The following TESMIN variants were observed in gnomAD, a reference collection of about 807,000 sequenced individuals.
TESMIN encodes CXC domain containing 2.
TESMIN carries 34 observed loss-of-function variants against 47.4 expected under a neutral mutation model. The ratio of observed to expected loss-of-function variants is 0.72; its 90% CI spans 0.55 to 0.96. TESMIN has a LOEUF of 0.96. TESMIN is among the 40% of genes least tolerant of loss of function. The pLI is 0.00. For missense variants in TESMIN, 610 were observed against 637.2 expected, an observed-to-expected ratio of 0.96 and a Z score of 0.46; for synonymous variants, 278 against 258.9, an observed-to-expected ratio of 1.07 and a Z score of -0.71.
At chr11:68,748,835 T>C (rs965959356) in intron 2 of TESMIN, among the ~76,000 whole-genome samples, 3 of 152,138 alleles carry the variant, frequency 2.0e-5, no homozygotes, top group Non-Finnish European at 4.4e-5. Flanking sequence ...TTCTCTTGTG[T>C]GTGTTTTGTT....
downstream of TESMIN, among the ~76,000 whole-genome samples, chr11:68,706,188 T>C (rs1461206163): frequency 6.6e-6 from 1 of 152,236 alleles, no homozygotes; most frequent in Non-Finnish European, 1.5e-5. Context: ...CTGTACTGTC[T>C]CTGGTCAGCA....
rs113562230 is a variant in TESMIN, at chr11:68,708,156, C to T, written c.*152G>A. 31 of 717,930 alleles carry T rather than the reference C, an allele frequency of 4.3e-5. 1 individual carries two copies. The Middle Eastern group carries it at 9.9e-4, about 23-fold the overall frequency. The allele number at this position is 717,930 out of a possible 1,614,324, so 44.5% of individuals were successfully genotyped here. ...GAAAAGGGGGCATGGGTTGCCACAT[C>T]TTCAGAGAGCTCTGAGTAAACTCCC... On this transcript the variant is annotated 3_prime_UTR_variant, in exon 10 of 10. Transcript: ENST00000255087.
At chr11:68,727,493 C>T (rs149223062) in intron 6 of TESMIN, among the ~76,000 whole-genome samples, 1 of 152,170 alleles carries the variant, frequency 6.6e-6, no homozygotes, top group Admixed American at 6.5e-5. Context: ...AATATCTACA[C>T]TCATGGTATA....
downstream of TESMIN, among the ~76,000 whole-genome samples, chr11:68,706,022 CAAAAAAA>C (rs11306603): frequency 5.9e-5 from 5 of 84,424 alleles, no homozygotes; most frequent in Admixed American, 2.8e-4. Flanking sequence ...GACTCCGTCT[CAAAAAAA>C]AAAAAAAAAA....
intron 4 of TESMIN, among the ~76,000 whole-genome samples, chr11:68,743,234 CTTTTTTT>C (rs57435562): frequency 8.1e-6 from 1 of 123,060 alleles, no homozygotes; most frequent in African/African-American, 3.0e-5. Context: ...ACAGGAACTA[CTTTTTTT>C]TTTTTTTTTT....
At chr11:68,709,454 G>A (rs549851110) in intron 9 of TESMIN, among the ~76,000 whole-genome samples, 6 of 152,304 alleles carry the variant, frequency 3.9e-5, no homozygotes, top group African/African-American at 7.2e-5. Context: ...CATCAATGCC[G>A]CTTGGAGCTG....
intron 1 of TESMIN, 51 bp from the exon 2 acceptor site, chr11:68,750,750 G>A: frequency 2.3e-6 from 2 of 880,608 alleles, no homozygotes; most frequent in Non-Finnish European, 3.1e-6. Flanking sequence ...ACGAGGGGAG[G>A]GGCGGCCAGG....
chr11:68,729,407 C>A (rs1158192493), intron 6 of TESMIN, among the ~76,000 whole-genome samples: 4 of 151,976 alleles, frequency 2.6e-5, no homozygotes, highest in African/African-American at 7.3e-5. Context: ...CGCCTGTAAT[C>A]CCAGCTACTT....
At chr11:68,711,236 AGTGTGTGTGGG>A (rs1441995801) in intron 8 of TESMIN, among the ~76,000 whole-genome samples, 187 bp from the exon 9 acceptor site, 5 of 147,526 alleles carry the variant, frequency 3.4e-5, no homozygotes, top group Non-Finnish European at 4.5e-5. Flanking sequence ...TGTGTGTATG[AGTGTGTGTGGG>A]GTGTGTGTGT....
At chr11:68,708,582 G>T in intron 9 of TESMIN, 82 bp from the exon 10 acceptor site, 3 of 1,193,464 alleles carry the variant, frequency 2.5e-6, no homozygotes, top group African/African-American at 1.5e-5. Flanking sequence ...ACAGAACATT[G>T]CTTGTCCATG....
intron 6 of TESMIN, among the ~76,000 whole-genome samples, chr11:68,720,629 C>T (rs1946193962): frequency 1.3e-5 from 2 of 152,174 alleles, no homozygotes; most frequent in South Asian, 4.1e-4. Context: ...CTGCTCCAGC[C>T]ACTCTCTCCT....
chr11:68,745,350 G>A (rs1423969155), intron 3 of TESMIN, among the ~76,000 whole-genome samples: 1 of 150,464 alleles, frequency 6.6e-6, no homozygotes, highest in African/African-American at 2.4e-5. Flanking sequence ...CCTGAGATGC[G>A]TCCAGTGTGT....
At chr11:68,709,807 C>T (rs1044858817) in intron 9 of TESMIN, among the ~76,000 whole-genome samples, 3 of 152,110 alleles carry the variant, frequency 2.0e-5, no homozygotes, top group Admixed American at 6.5e-5. Flanking sequence ...CTGCTGCAGG[C>T]GATGACATTT....
At chr11:68,728,309 GAGA>G (rs1346720385) in intron 6 of TESMIN, among the ~76,000 whole-genome samples, 13 of 152,326 alleles carry the variant, frequency 8.5e-5, no homozygotes, top group African/African-American at 9.6e-5. Flanking sequence ...GAGGTCTGGA[GAGA>G]AGATGAAACC....
At chr11:68,737,714 C>T (rs887827154) in intron 6 of TESMIN, 4 of 950,024 alleles carry the variant, frequency 4.2e-6, no homozygotes, top group African/African-American at 1.8e-5. Flanking sequence ...TATTTCAAGA[C>T]CAGCCTGGCC....
downstream of TESMIN, among the ~76,000 whole-genome samples, chr11:68,706,673 G>T (rs1946001663): frequency 6.6e-6 from 1 of 152,188 alleles, no homozygotes; most frequent in South Asian, 2.1e-4. Context: ...TACACATAAA[G>T]GAATGTGAAA....
chr11:68,725,270 T>C (rs1230382915), intron 6 of TESMIN, among the ~76,000 whole-genome samples: 2 of 152,120 alleles, frequency 1.3e-5, no homozygotes, highest in Non-Finnish European at 2.9e-5. Context: ...TGGAAAAAAA[T>C]AAAATTGAAT....
chr11:68,719,312 A>G (rs1379326666), intron 6 of TESMIN, among the ~76,000 whole-genome samples: 2 of 152,362 alleles, frequency 1.3e-5, no homozygotes, highest in East Asian at 3.9e-4. Context: ...GGAAAGGTAA[A>G]GAAGTTCAGG....
At position 68,716,009 on chromosome 11, in the gene TESMIN, A is replaced by G. The variant is rs115017452; in HGVS notation, c.918-70T>C. ...GTGAGTAGTGAAAAGAAGAGCACACACGTGTAAGGAAAGAGCGGGCAGTGT... is the reference window on the plus strand; with the variant it reads ...GTGAGTAGTGAAAAGAAGAGCACACGCGTGTAAGGAAAGAGCGGGCAGTGT... On this transcript the variant is annotated intron_variant, in intron 6 of 9. Transcript: ENST00000255087. 4.0e-4 allele frequency: 409 copies of G among 1,024,204 alleles called. 1 individual carries two copies. In the African/African-American group the frequency reaches 6.0e-3, roughly 15 times the overall value. The allele number at this position is 1,024,204 out of a possible 1,614,324, so 63.4% of individuals were successfully genotyped here.
Sources: allele counts gnomAD v4.1 joint callset (sites outside exome capture counted in the v4.1 genomes callset), GRCh38; gene constraint gnomAD v4.1.1; transcripts MANE v1.5; gene names NCBI Gene and HGNC (gene_info 2026-07-23, HGNC 2026-07-21).